Variants in ABCA13 observed in about 807,000 individuals in gnomAD.
ABCA13 encodes the protein ATP binding cassette subfamily A member 13, also known as ATP-binding cassette sub-family A member 13.
In ABCA13, 476 loss-of-function variants were observed where a neutral mutation model predicts 478.7. The observed-to-expected ratio is 0.99, with a 90% CI of 0.92 to 1.07. The LOEUF (loss-of-function observed/expected upper bound fraction) is 1.07. Among genes scored for constraint, ABCA13 ranks in the 50% least tolerant of loss-of-function variants. The probability of loss-of-function intolerance (pLI) is 0.00; values close to 1 mark genes in which losing one functional copy is unlikely to be tolerated. For synonymous variants in ABCA13, 2,252 were observed against 2,158.9 expected (o/e 1.04, Z -1.20); for missense variants, 6,060 against 5,910.6 (o/e 1.03, Z -0.83).
At chr7:48,261,260 T>C (rs1041728513) in intron 15 of ABCA13, among the ~76,000 whole-genome samples, 2 of 152,040 alleles carry the variant, frequency 1.3e-5, no homozygotes, top group Non-Finnish European at 2.9e-5. Flanking sequence ...TAGTTTATAG[T>C]GTTCTTGTTG....
chr7:48,372,017 C>A (rs963133388), intron 32 of ABCA13, 151 bp from the exon 33 acceptor site: 3 of 657,772 alleles, frequency 4.6e-6, no homozygotes, highest in Non-Finnish European at 7.7e-6. Flanking sequence ...CTTGAGGAGG[C>A]AATGTCCTTC....
At chr7:48,391,835 A>G in intron 37 of ABCA13, 86 bp from the exon 38 acceptor site, 3 of 1,283,564 alleles carry the variant, frequency 2.3e-6, no homozygotes, top group Non-Finnish European at 2.2e-6. Flanking sequence ...GGCAGGATGC[A>G]TGCGCCATCC....
chr7:48,301,963 A>T (rs552563056), intron 23 of ABCA13, among the ~76,000 whole-genome samples: 1 of 152,318 alleles, frequency 6.6e-6, no homozygotes, highest in South Asian at 2.1e-4. Flanking sequence ...AAGCCACGTT[A>T]CCTTATTTGC....
At position 48,274,921 on chromosome 7, in the gene ABCA13, ATGCTGTAAGGCTCC is replaced by A. The variant is rs770544407; in HGVS notation, c.5259_5272del (p.Val1754GlyfsTer5). The A allele has an allele frequency of 1.9e-6, 3 of 1,613,798 alleles. No homozygotes were observed. In the African/African-American group the frequency reaches 4.0e-5, roughly 22 times the overall value. On this transcript the variant is annotated frameshift_variant, in exon 17 of 62. Transcript: ENST00000435803. LOFTEE classifies it high-confidence loss of function. The stretch of plus-strand genomic sequence containing the variant: ...ATAGATGTGTACTATGTGCTTCCTC[ATGCTGTAAGGCTCC>A]TGCAGGGAGTACCTGGTAAAAACAT...
intron 49 of ABCA13, 52 bp downstream of exon 49, chr7:48,506,442 C>T: frequency 6.3e-7 from 1 of 1,585,908 alleles, no homozygotes; most frequent in South Asian, 1.1e-5. Flanking sequence ...GGAAGAAAAT[C>T]TTTGTGTTAC....
At chr7:48,458,849 A>G (rs3906662) in intron 43 of ABCA13, among the ~76,000 whole-genome samples, 80,101 of 151,918 alleles carry the variant, frequency 0.53, 21,409 homozygotes, top group East Asian at 0.68. Flanking sequence ...GTGGCCAGGT[A>G]GGGAGTGAAC....
At chr7:48,608,054 T>C (rs1042269992) in intron 58 of ABCA13, among the ~76,000 whole-genome samples, 4 of 152,186 alleles carry the variant, frequency 2.6e-5, no homozygotes, top group Non-Finnish European at 4.4e-5. Flanking sequence ...CTAAATTTTG[T>C]ATTTTTAGTA....
At chr7:48,198,402 C>T in intron 3 of ABCA13, 42 bp downstream of exon 3, 2 of 1,608,428 alleles carry the variant, frequency 1.2e-6, no homozygotes, top group Non-Finnish European at 1.7e-6. Flanking sequence ...TCTCAGAAAG[C>T]TGATACATAG....
At chr7:48,206,787 A>AGTGTGT (rs59553139) in intron 3 of ABCA13, among the ~76,000 whole-genome samples, 98 of 151,478 alleles carry the variant, frequency 6.5e-4, no homozygotes, top group African/African-American at 2.1e-3. Context: ...CATTTGTGTG[A>AGTGTGT]GTGTGTGTGT....
intron 13 of ABCA13, 90 bp downstream of exon 13, chr7:48,246,120 G>A: frequency 7.1e-7 from 1 of 1,413,410 alleles, no homozygotes; most frequent in Non-Finnish European, 9.4e-7. Context: ...GAGTTTCGAT[G>A]AGGAAAGTTT....
At chr7:48,240,222 G>A (rs2129012299) in intron 9 of ABCA13, among the ~76,000 whole-genome samples, 2 of 152,298 alleles carry the variant, frequency 1.3e-5, no homozygotes, top group African/African-American at 4.8e-5. Context: ...AAGTCATCCG[G>A]CACTAAAATA....
In ABCA13 at chr7:48,631,456, T is replaced by C. The variant is rs562875187; in HGVS notation, c.14838-11832T>C. Reference sequence around the variant, plus strand: ...TTTGTCAGCTTTGCTAAAGATTAGATAGTTGTAGGTGTACAATTTTATTTC... The same window carrying C: ...TTTGTCAGCTTTGCTAAAGATTAGACAGTTGTAGGTGTACAATTTTATTTC... On this transcript the variant is annotated intron_variant, in intron 59 of 61. Coordinates refer to ENST00000435803, the MANE Select transcript of ABCA13 (RefSeq NM_152701.5). Among the ~76,000 whole-genome samples, 84 of 152,276 alleles carry C rather than the reference T, an allele frequency of 5.5e-4. 3 individuals are homozygous for C. In the South Asian group the frequency reaches 0.017, roughly 31 times the overall value.
chr7:48,460,604 C>T (rs2129943013), intron 43 of ABCA13, among the ~76,000 whole-genome samples: 1 of 152,332 alleles, frequency 6.6e-6, no homozygotes, highest in East Asian at 1.9e-4. Context: ...CGAATAAGAT[C>T]ACTTTCTGAG....
rs576885939 is a variant in ABCA13, at chr7:48,410,126, A to T, written c.12071-394A>T. On this transcript the variant is annotated intron_variant, in intron 39 of 61. Transcript: ENST00000435803. The stretch of plus-strand genomic sequence containing the variant: ...AAAAAAAAAAAGGATGAGGAAGAGG[A>T]CTTTAGTATCTGAGGAGAGAGATAA... Among the ~76,000 whole-genome samples, 132 of 145,902 alleles carry T rather than the reference A, an allele frequency of 9.0e-4. 1 individual carries two copies. The highest frequency in any genetic ancestry group is 3.0e-3 in the African/African-American group (121 of 40,168).
At position 48,248,357 on chromosome 7, in the gene ABCA13, C is replaced by G; in HGVS notation, c.1778C>G (p.Thr593Ser). ...CTGTCAGAAGCAAGCCTTTCCTGTA[C>G]TCGGCTCTTCCTGCTGCTGGGAGCT... Reference protein sequence around the residue: ...MQLSEASLSCTRLFLLLGADP... With the variant: ...MQLSEASLSCSRLFLLLGADP... The change falls in exon 14 of 62, where the codon ACT (threonine) becomes AGT (serine). Residue 593 changes from threonine to serine, a missense_variant. Transcript: ENST00000435803. 1 of 1,613,802 alleles carries G rather than the reference C, an allele frequency of 6.2e-7. No homozygotes were observed. The highest frequency in any genetic ancestry group is 8.5e-7 in the Non-Finnish European group (1 of 1,179,758).
intron 10 of ABCA13, among the ~76,000 whole-genome samples, chr7:48,243,648 G>A (rs544034652): frequency 6.6e-6 from 1 of 152,300 alleles, no homozygotes; most frequent in African/African-American, 2.4e-5. Flanking sequence ...CAGCTCTCCA[G>A]CTAGAGAATA....
At chr7:48,247,962 A>G (rs1261234386) in intron 13 of ABCA13, among the ~76,000 whole-genome samples, 1 of 152,178 alleles carries the variant, frequency 6.6e-6, no homozygotes, top group Non-Finnish European at 1.5e-5. Context: ...TTCACAGGCT[A>G]CTTGTTGCAA....
At chr7:48,628,085 G>A (rs778673573) in intron 59 of ABCA13, among the ~76,000 whole-genome samples, 4 of 151,964 alleles carry the variant, frequency 2.6e-5, no homozygotes, top group Non-Finnish European at 5.9e-5. Flanking sequence ...AGCATGCTAT[G>A]CTTTCTCTTT....
intron 6 of ABCA13, 132 bp from the exon 7 acceptor site, chr7:48,229,693 T>C (rs1473293036): frequency 9.8e-7 from 1 of 1,018,520 alleles, no homozygotes; most frequent in African/African-American, 1.6e-5. Context: ...AATGCTGACA[T>C]GTAAATGGTC....
Sources: allele counts gnomAD v4.1 joint callset (sites outside exome capture counted in the v4.1 genomes callset), GRCh38; gene constraint gnomAD v4.1.1; transcripts MANE v1.5; gene names NCBI Gene and HGNC (gene_info 2026-07-23, HGNC 2026-07-21).